PDLIM5: variants seen among roughly 807,000 people sequenced by gnomAD.
PDLIM5 encodes PDZ and LIM domain protein 5.
PDLIM5 carries 34 observed loss-of-function variants against 64.2 expected under a neutral mutation model. That is an observed-to-expected ratio of 0.53 (90% CI 0.40 to 0.71). The LOEUF is 0.71. Among genes scored for constraint, PDLIM5 ranks in the 30% least tolerant of loss-of-function variants. The pLI is 0.00. For synonymous variants in PDLIM5, 253 were observed against 269.1 expected (o/e 0.94, Z 0.59); for missense variants, 683 against 733.6 (o/e 0.93, Z 0.80).
rs557977240 is a variant in PDLIM5 at position 94,665,170 on chromosome 4, G to A, written c.*1103G>A. ...AATTAAATAATTTTGGCCTCTCATA[G>A]TTTTCTCTCTCTTTAAAGAGAATAA... On this transcript the variant is annotated 3_prime_UTR_variant, in exon 13 of 13. Transcript: ENST00000317968. The A allele has an allele frequency of 4.2e-6, 4 of 950,314 alleles. No individual in the cohort carries two copies. The African/African-American group carries it at 7.1e-5, about 17-fold the overall frequency. The allele number at this position is 950,314 out of a possible 1,614,324, so 58.9% of individuals were successfully genotyped here. A position where few individuals can be genotyped will look rare whatever the true frequency, so the allele number is the denominator to read the frequency against.
At chr4:94,556,911 T>G (rs1482233781) in intron 3 of PDLIM5, among the ~76,000 whole-genome samples, 7 of 152,220 alleles carry the variant, frequency 4.6e-5, no homozygotes, top group African/African-American at 9.6e-5. Context: ...TTAGTTTAAT[T>G]AGATCCCATT....
At chr4:94,648,233 A>G (rs1741568174) in intron 9 of PDLIM5, among the ~76,000 whole-genome samples, 1 of 152,222 alleles carries the variant, frequency 6.6e-6, no homozygotes, top group Non-Finnish European at 1.5e-5. Flanking sequence ...TGGAAAGATC[A>G]ACAAAATTGA....
chr4:94,453,425 G>T (rs1019000748), intron 1 of PDLIM5, among the ~76,000 whole-genome samples: 3 of 152,196 alleles, frequency 2.0e-5, no homozygotes, highest in Admixed American at 1.3e-4. Flanking sequence ...GACCTTGCCA[G>T]TGCTAGGAAT....
chr4:94,526,536 T>TCC (rs1442898806), intron 3 of PDLIM5, among the ~76,000 whole-genome samples: 7 of 152,214 alleles, frequency 4.6e-5, no homozygotes, highest in African/African-American at 1.4e-4. Flanking sequence ...CAGCCTGTTT[T>TCC]GATAGAGTGT....
chr4:94,616,870 T>A (rs143731406), intron 7 of PDLIM5, among the ~76,000 whole-genome samples: 9 of 152,336 alleles, frequency 5.9e-5, no homozygotes, highest in African/African-American at 2.2e-4. Context: ...CTAGGTTTAT[T>A]GTTTCGATAG....
chr4:94,590,405 A>T (rs1736583215), intron 7 of PDLIM5, among the ~76,000 whole-genome samples: 1 of 152,316 alleles, frequency 6.6e-6, no homozygotes, highest in South Asian at 2.1e-4. Context: ...GTAAATATTT[A>T]CTCATTGCCA....
At chr4:94,540,473 C>T (rs949411632) in intron 3 of PDLIM5, among the ~76,000 whole-genome samples, 3 of 152,188 alleles carry the variant, frequency 2.0e-5, no homozygotes, top group Non-Finnish European at 4.4e-5. Context: ...AATAATTTGT[C>T]TAACGTCACA....
intron 7 of PDLIM5, chr4:94,608,307 G>T (rs1410319511): frequency 2.1e-6 from 1 of 467,366 alleles, no homozygotes. Context: ...AGACAAGAAA[G>T]CTTGGCACTC....
chr4:94,667,994 C>T lies in PDLIM5; in HGVS notation c.*3927C>T, dbSNP rs1179459569. ...GTTTTACACAAATTTGATCTGGCTTCCATTTGTCCCCCTCATTTCCCAAAT... is the reference window on the plus strand; with the variant it reads ...GTTTTACACAAATTTGATCTGGCTTTCATTTGTCCCCCTCATTTCCCAAAT... On this transcript the variant is annotated 3_prime_UTR_variant, in exon 13 of 13. Coordinates refer to ENST00000317968, the MANE Select transcript of PDLIM5 (RefSeq NM_006457.5). The T allele has an allele frequency of 6.6e-6, 1 of 152,110 alleles. No individual in the cohort carries two copies. Among genetic ancestry groups the T allele is most frequent in the African/African-American group, 2.4e-5 (1 of 41,430 alleles). The allele number at this position is 152,110 out of a possible 1,614,324, so 9.4% of individuals were successfully genotyped here.
chr4:94,516,907 G>A (rs548905226), intron 2 of PDLIM5, among the ~76,000 whole-genome samples: 65 of 152,230 alleles, frequency 4.3e-4, no homozygotes, highest in African/African-American at 1.5e-3. Flanking sequence ...TAGTTGAATA[G>A]CATTTGTAGA....
At chr4:94,550,999 A>C (rs1272896622) in intron 3 of PDLIM5, among the ~76,000 whole-genome samples, 2 of 152,154 alleles carry the variant, frequency 1.3e-5, no homozygotes, top group Admixed American at 1.3e-4. Flanking sequence ...TAACATACCA[A>C]TTTAAAATTC....
At chr4:94,651,983 G>T (rs564400423) in intron 9 of PDLIM5, among the ~76,000 whole-genome samples, 6 of 152,310 alleles carry the variant, frequency 3.9e-5, no homozygotes, top group African/African-American at 1.2e-4. Flanking sequence ...GTTTTCTGAT[G>T]ATCTGACTTG....
intron 7 of PDLIM5, among the ~76,000 whole-genome samples, chr4:94,601,370 C>A (rs1737479609): frequency 6.6e-6 from 1 of 152,160 alleles, no homozygotes; most frequent in Non-Finnish European, 1.5e-5. Context: ...GCCTCACCTC[C>A]TAATACTATC....
At position 94,655,686 on chromosome 4, in the gene PDLIM5, T is replaced by C. The variant is rs1416159362; in HGVS notation, c.1464+1046T>C. On this transcript the variant is annotated intron_variant, in intron 10 of 12. Coordinates refer to ENST00000317968, the MANE Select transcript of PDLIM5 (RefSeq NM_006457.5). ...TAATTAATAGAATATTCATTAATACTGTTTTAGTGTATCAAGGTATTCTAT... is the reference window on the plus strand; with the variant it reads ...TAATTAATAGAATATTCATTAATACCGTTTTAGTGTATCAAGGTATTCTAT... 2.0e-5 allele frequency among the ~76,000 whole-genome samples: 3 copies of C among 152,346 alleles called. No individual in the cohort carries two copies. In the East Asian group the frequency reaches 5.8e-4, roughly 29 times the overall value.
intron 2 of PDLIM5, among the ~76,000 whole-genome samples, chr4:94,470,840 T>G (rs1191959042): frequency 1.3e-5 from 2 of 152,242 alleles, no homozygotes; most frequent in Non-Finnish European, 2.9e-5. Context: ...ACACTGCTAA[T>G]AACATATCCA....
At chr4:94,635,864 G>A (rs868043279) in intron 8 of PDLIM5, among the ~76,000 whole-genome samples, 9 of 152,214 alleles carry the variant, frequency 5.9e-5, no homozygotes, top group East Asian at 3.8e-4. Flanking sequence ...TAGCTGTGCC[G>A]TGGAAATGTT....
At chr4:94,501,094 T>C (rs973766443) in intron 2 of PDLIM5, among the ~76,000 whole-genome samples, 57 of 150,802 alleles carry the variant, frequency 3.8e-4, no homozygotes, top group Non-Finnish European at 3.1e-4. Flanking sequence ...TTTTTTTTTT[T>C]TTCTCAGACA....
chr4:94,662,425 A>T lies in PDLIM5; in HGVS notation c.1589A>T (p.Tyr530Phe). 6.9e-7 allele frequency: 1 copy of T among 1,439,656 alleles called. No individual in the cohort carries two copies. Among genetic ancestry groups the T allele is most frequent in the Non-Finnish European group, 9.8e-7 (1 of 1,020,958 alleles). The allele number at this position is 1,439,656 out of a possible 1,614,324, so 89.2% of individuals were successfully genotyped here. The change falls in exon 12 of 13, where the codon TAT becomes TTT. Residue 530 changes from tyrosine to phenylalanine, a missense_variant. Transcript: ENST00000317968. ...TCTCTGCCCTCCCTTAATACAGATT[A>T]TTATGCCCTCTTTGGTACTATATGC... ...EDGEPYCETD[Y>F]YALFGTICHG... is the part of the protein sequence containing the mutation.
At chr4:94,481,997 G>A (rs1578228689) in intron 2 of PDLIM5, among the ~76,000 whole-genome samples, 1 of 151,842 alleles carries the variant, frequency 6.6e-6, no homozygotes, top group Admixed American at 6.6e-5. Flanking sequence ...TTTAAATTTG[G>A]TACCAATTTA....
Sources: allele counts gnomAD v4.1 joint callset (sites outside exome capture counted in the v4.1 genomes callset), GRCh38; gene constraint gnomAD v4.1.1; transcripts MANE v1.5; gene names NCBI Gene and HGNC (gene_info 2026-07-23, HGNC 2026-07-21).